Variants in YWHAE observed in about 807,000 individuals in gnomAD.
The protein encoded by YWHAE is tyrosine 3-monooxygenase/tryptophan 5-monooxygenase activation protein epsilon, also known as 14-3-3 protein epsilon.
Under a neutral mutation model 30.1 loss-of-function variants are expected in YWHAE, and 4 were observed. That is an observed-to-expected ratio of 0.13 (90% CI 0.07 to 0.30). YWHAE has a LOEUF of 0.30. YWHAE is among the 10% of genes least tolerant of loss of function. The probability of loss-of-function intolerance (pLI) is 1.00; values close to 1 mark genes in which losing one functional copy is unlikely to be tolerated. For missense variants in YWHAE, 121 were observed against 315.9 expected, an observed-to-expected ratio of 0.38 and a Z score of 4.68; for synonymous variants, 118 against 111.8, an observed-to-expected ratio of 1.06 and a Z score of -0.35.
At chr17:1,388,799 T>C (rs989723569) in intron 1 of YWHAE, among the ~76,000 whole-genome samples, 14 of 152,198 alleles carry the variant, frequency 9.2e-5, no homozygotes, top group African/African-American at 3.1e-4. Context: ...TACTCATGAA[T>C]GTGTTTCTAA....
chr17:1,350,931 C>T (rs1222387826), intron 5 of YWHAE, among the ~76,000 whole-genome samples: 6 of 150,180 alleles, frequency 4.0e-5, no homozygotes, highest in Non-Finnish European at 8.9e-5. Flanking sequence ...TGGTGGCGCA[C>T]GCCTGTAATC....
chr17:1,366,683 C>CT (rs926678203), intron 1 of YWHAE, among the ~76,000 whole-genome samples: 6 of 151,346 alleles, frequency 4.0e-5, no homozygotes, highest in African/African-American at 1.5e-4. Context: ...TGGATCACAC[C>CT]TGTAATCTCA....
chr17:1,366,076 C>T (rs1219025289), intron 1 of YWHAE, among the ~76,000 whole-genome samples: 3 of 151,692 alleles, frequency 2.0e-5, no homozygotes, highest in Non-Finnish European at 2.9e-5. Flanking sequence ...ATTAGCTGGG[C>T]GTGGTGATGC....
chr17:1,399,167 G>A (rs551296569), intron 1 of YWHAE: 1 of 152,212 alleles, frequency 6.6e-6, no homozygotes, highest in East Asian at 1.9e-4. Context: ...ACAAAGGCTC[G>A]AACTCTCAGA....
At chr17:1,389,698 T>C (rs990898036) in intron 1 of YWHAE, among the ~76,000 whole-genome samples, 1 of 150,498 alleles carries the variant, frequency 6.6e-6, no homozygotes, top group Non-Finnish European at 1.5e-5. Context: ...GCCCAGCTAA[T>C]TTTTTGTATT....
intron 1 of YWHAE, among the ~76,000 whole-genome samples, chr17:1,367,945 C>T (rs1391273314): frequency 6.6e-6 from 1 of 152,106 alleles, no homozygotes; most frequent in Non-Finnish European, 1.5e-5. Context: ...AAATGCAATT[C>T]TGAACCATTA....
At chr17:1,355,869 T>C (rs951816208) in intron 4 of YWHAE, among the ~76,000 whole-genome samples, 1 of 151,746 alleles carries the variant, frequency 6.6e-6, no homozygotes, top group Non-Finnish European at 1.5e-5. Flanking sequence ...CAAAACCTAT[T>C]AAAAACACAA....
At chr17:1,368,444 G>C (rs1449301403) in intron 1 of YWHAE, among the ~76,000 whole-genome samples, 1 of 151,090 alleles carries the variant, frequency 6.6e-6, no homozygotes, top group Non-Finnish European at 1.5e-5. Flanking sequence ...GGCATCTATA[G>C]TGCCAGCTAC....
intron 1 of YWHAE, among the ~76,000 whole-genome samples, chr17:1,367,715 G>A (rs990447145): frequency 2.0e-5 from 3 of 152,084 alleles, no homozygotes. Context: ...CAACAATATG[G>A]AAGAATCTGA....
intron 5 of YWHAE, among the ~76,000 whole-genome samples, chr17:1,349,079 G>A (rs1249676199): frequency 6.3e-5 from 9 of 142,042 alleles, no homozygotes; most frequent in East Asian, 2.1e-4. Flanking sequence ...GCGGTGACTC[G>A]GGCCTGTAAT....
chr17:1,367,037 G>A (rs748776457), intron 1 of YWHAE, among the ~76,000 whole-genome samples: 8 of 151,890 alleles, frequency 5.3e-5, no homozygotes, highest in Non-Finnish European at 7.4e-5. Context: ...TAATCCTTTC[G>A]GGAATATAAA....
At chr17:1,351,533 C>T (rs2072632331) in intron 5 of YWHAE, among the ~76,000 whole-genome samples, 1 of 152,080 alleles carries the variant, frequency 6.6e-6, no homozygotes, top group African/African-American at 2.4e-5. Flanking sequence ...GCATGCTTTC[C>T]CTCCATCAAC....
chr17:1,361,411 T>C, intron 3 of YWHAE, 113 bp from the exon 4 acceptor site: 1 of 800,720 alleles, frequency 1.2e-6, no homozygotes, highest in Non-Finnish European at 1.9e-6. Context: ...AAAATATATG[T>C]AACAATTAGG....
chr17:1,395,476 C>T (rs2073455282), intron 1 of YWHAE, among the ~76,000 whole-genome samples: 1 of 152,164 alleles, frequency 6.6e-6, no homozygotes, highest in South Asian at 2.1e-4. Flanking sequence ...TTGCAGTGAG[C>T]CAAGACCACG....
intron 5 of YWHAE, 38 bp from the exon 6 acceptor site, chr17:1,345,537 A>T (rs1254845331): frequency 6.2e-7 from 1 of 1,603,476 alleles, no homozygotes; most frequent in East Asian, 2.2e-5. Context: ...TTTCGTATTG[A>T]CTACATTAGG....
At chr17:1,385,054 T>A (rs1297491455) in intron 1 of YWHAE, among the ~76,000 whole-genome samples, 2 of 147,074 alleles carry the variant, frequency 1.4e-5, no homozygotes, top group Non-Finnish European at 3.0e-5. Flanking sequence ...TGCCTTGCAG[T>A]GGCTATTCAC....
At position 1,360,404 on chromosome 17, in the gene YWHAE, T is replaced by C. The variant is rs555027423; in HGVS notation, c.578+688A>G. ...CATTAGTAAGACTGAAACTTGTTTA[T>C]GCTAAAACAGAAAATATAAAATTAT... On this transcript the variant is annotated intron_variant, in intron 4 of 5. Transcript: ENST00000264335. 9.8e-5 allele frequency among the ~76,000 whole-genome samples: 15 copies of C among 152,350 alleles called. No individual in the cohort carries two copies. In the South Asian group the frequency reaches 3.1e-3, roughly 32 times the overall value.
At chr17:1,358,289 GA>G (rs2072792832) in intron 4 of YWHAE, among the ~76,000 whole-genome samples, 1 of 152,064 alleles carries the variant, frequency 6.6e-6, no homozygotes, top group South Asian at 2.1e-4. Context: ...GCCCAGGCTG[GA>G]GTGCAGTGGC....
intron 1 of YWHAE, among the ~76,000 whole-genome samples, chr17:1,371,006 A>C (rs1189979986): frequency 6.6e-6 from 1 of 152,082 alleles, no homozygotes; most frequent in Non-Finnish European, 1.5e-5. Flanking sequence ...CTCAAAAAAT[A>C]AAAAATCAAA....
Sources: allele counts gnomAD v4.1 joint callset (sites outside exome capture counted in the v4.1 genomes callset), GRCh38; gene constraint gnomAD v4.1.1; transcripts MANE v1.5; gene names NCBI Gene and HGNC (gene_info 2026-07-23, HGNC 2026-07-21).